Variants in DENND1A observed in about 807,000 individuals in gnomAD.
DENND1A encodes the protein DENN domain containing 1A, also known as DENN domain-containing protein 1A.
In DENND1A, 51 loss-of-function variants were observed where a neutral mutation model predicts 113.7. The observed-to-expected ratio is 0.45, with a 90% CI of 0.36 to 0.57. DENND1A has a LOEUF of 0.57. Ranked by LOEUF, DENND1A falls within the 20% of genes least tolerant of loss-of-function variation. The probability of loss-of-function intolerance (pLI) is 0.00; values close to 1 mark genes in which losing one functional copy is unlikely to be tolerated. For synonymous variants in DENND1A, 565 were observed against 570.8 expected (o/e 0.99, Z 0.14); for missense variants, 1,258 against 1,395.9 (o/e 0.90, Z 1.57).
At chr9:123,419,483 A>C (rs754482814) in intron 19 of DENND1A, among the ~76,000 whole-genome samples, 2 of 152,246 alleles carry the variant, frequency 1.3e-5, no homozygotes, top group Non-Finnish European at 2.9e-5. Context: ...CAAATTCACA[A>C]TTAAACTCTG....
At chr9:123,391,490 A>C (rs2042841554) in intron 21 of DENND1A, among the ~76,000 whole-genome samples, 1 of 152,120 alleles carries the variant, frequency 6.6e-6, no homozygotes, top group African/African-American at 2.4e-5. Flanking sequence ...ACAGCAGCTA[A>C]AGGTAGAGCT....
chr9:123,708,428 C>T (rs1329856785), intron 5 of DENND1A, among the ~76,000 whole-genome samples: 1 of 152,038 alleles, frequency 6.6e-6, no homozygotes, highest in African/African-American at 2.4e-5. Context: ...TAACTATTTA[C>T]AAGAAAAATA....
At chr9:123,827,709 C>T (rs1442233202) in intron 2 of DENND1A, among the ~76,000 whole-genome samples, 2 of 151,890 alleles carry the variant, frequency 1.3e-5, no homozygotes, top group African/African-American at 4.8e-5. Flanking sequence ...AGAAGAGGTC[C>T]CAGTAAGTGC....
chr9:123,393,304 A>T (rs572883340), intron 21 of DENND1A, among the ~76,000 whole-genome samples: 1 of 152,300 alleles, frequency 6.6e-6, no homozygotes, highest in South Asian at 2.1e-4. Context: ...GTGTTCAAGG[A>T]TGAGTAAGGC....
At chr9:123,552,033 G>GAC (rs2057103846) in intron 13 of DENND1A, among the ~76,000 whole-genome samples, 4 of 144,546 alleles carry the variant, frequency 2.8e-5, no homozygotes, top group Admixed American at 6.9e-5. Flanking sequence ...GAGAGAGAGA[G>GAC]AGAGACAGAG....
chr9:123,545,075 GC>G (rs762866342), intron 13 of DENND1A, among the ~76,000 whole-genome samples: 2 of 151,498 alleles, frequency 1.3e-5, no homozygotes, highest in Admixed American at 6.6e-5. Flanking sequence ...TCCAGCCTGG[GC>G]GACAGAGCAA....
At chr9:123,648,316 A>G (rs1435692909) in intron 9 of DENND1A, among the ~76,000 whole-genome samples, 1 of 152,178 alleles carries the variant, frequency 6.6e-6, no homozygotes, top group Non-Finnish European at 1.5e-5. Flanking sequence ...GCCTTAAGCA[A>G]TCCTCCCACT....
intron 19 of DENND1A, among the ~76,000 whole-genome samples, chr9:123,421,915 TC>T (rs2045340016): frequency 6.6e-6 from 1 of 152,096 alleles, no homozygotes; most frequent in African/African-American, 2.4e-5. Context: ...AGAAGCCCCT[TC>T]TTTCCAGCCA....
chr9:123,432,521 C>A (rs535439809), intron 19 of DENND1A, among the ~76,000 whole-genome samples: 22 of 152,324 alleles, frequency 1.4e-4, no homozygotes, highest in Admixed American at 5.2e-4. Context: ...CGGATCAGAG[C>A]AGGAGGAGCT....
At chr9:123,428,578 AG>A (rs768179599) in intron 19 of DENND1A, among the ~76,000 whole-genome samples, 1 of 152,228 alleles carries the variant, frequency 6.6e-6, no homozygotes, top group East Asian at 1.9e-4. Context: ...AAAGAAATAA[AG>A]GGCATTCAAA....
chr9:123,570,486 C>G (rs986172725), intron 12 of DENND1A, among the ~76,000 whole-genome samples: 2 of 152,168 alleles, frequency 1.3e-5, no homozygotes, highest in Non-Finnish European at 2.9e-5. Flanking sequence ...CTCTGTAATA[C>G]ACCTTTGTTT....
chr9:123,591,102 G>T (rs1310550398), intron 11 of DENND1A, among the ~76,000 whole-genome samples: 2 of 152,170 alleles, frequency 1.3e-5, no homozygotes, highest in Non-Finnish European at 2.9e-5. Flanking sequence ...ACAAAGGAGG[G>T]GGTCTGTTTG....
chr9:123,681,009 G>A (rs2064413096), intron 5 of DENND1A, among the ~76,000 whole-genome samples: 1 of 152,198 alleles, frequency 6.6e-6, no homozygotes, highest in Admixed American at 6.5e-5. Context: ...CAAGTGGGAG[G>A]AGAAGGGTGT....
At chr9:123,628,902 T>G (rs1195395586) in intron 10 of DENND1A, among the ~76,000 whole-genome samples, 2 of 152,224 alleles carry the variant, frequency 1.3e-5, no homozygotes, top group Non-Finnish European at 2.9e-5. Context: ...TAACTCACCT[T>G]GATAAGAAAG....
intron 2 of DENND1A, among the ~76,000 whole-genome samples, chr9:123,839,039 G>C (rs1017110416): frequency 6.6e-6 from 1 of 152,204 alleles, no homozygotes; most frequent in Non-Finnish European, 1.5e-5. Context: ...GTGCAGCAGA[G>C]CACCTGGAGG....
In DENND1A at chr9:123,621,705, GCACCA is replaced by G. The variant is rs1219268311; in HGVS notation, c.719+8666_719+8670del. On this transcript the variant is annotated intron_variant, in intron 10 of 23. Transcript: ENST00000394215. ...AGGGCCAGACATTTCTGCTTCCGCC[GCACCA>G]CACTTTCATTTGAGTTCTGTCCCTG... 3.3e-5 allele frequency among the ~76,000 whole-genome samples: 5 copies of G among 152,158 alleles called. No individual in the cohort carries two copies. In the East Asian group the frequency reaches 9.6e-4, roughly 29 times the overall value.
intron 13 of DENND1A, among the ~76,000 whole-genome samples, chr9:123,514,088 GTGTGTGTGTA>G (rs751581399): frequency 1.3e-4 from 12 of 89,112 alleles, no homozygotes; most frequent in African/African-American, 2.7e-4. Flanking sequence ...GTGTGTGTGT[GTGTGTGTGTA>G]TGTGTGTGTG....
chr9:123,783,630 A>G (rs1831655666), intron 3 of DENND1A, among the ~76,000 whole-genome samples: 1 of 152,210 alleles, frequency 6.6e-6, no homozygotes, highest in Admixed American at 6.5e-5. Context: ...AGGAAATCAA[A>G]TCCCCAAGTG....
intron 20 of DENND1A, 70 bp from the exon 21 acceptor site, chr9:123,403,560 C>T (rs947150228): frequency 1.1e-5 from 16 of 1,429,172 alleles, no homozygotes; most frequent in Admixed American, 1.8e-5. Flanking sequence ...ACATTCTGAA[C>T]ATTTGGATAA....
Sources: gnomAD v4.1 joint callset for allele counts (sites outside exome capture counted in the v4.1 genomes callset) on GRCh38, gnomAD v4.1.1 for gene constraint, MANE v1.5 for transcripts, NCBI Gene and HGNC (gene_info 2026-07-23, HGNC 2026-07-21) for gene names.